The following FRMD5 variants were observed in gnomAD, a reference collection of about 807,000 sequenced individuals.
FRMD5 encodes FERM domain-containing protein 5.
Under a neutral mutation model 69.0 loss-of-function variants are expected in FRMD5, and 20 were observed. That is an observed-to-expected ratio of 0.29 (90% CI 0.20 to 0.42). The LOEUF is 0.42. Among genes scored for constraint, FRMD5 ranks in the 10% least tolerant of loss-of-function variants. FRMD5 has a pLI of 1.00. For synonymous variants in FRMD5, 271 were observed against 260.1 expected (o/e 1.04, Z -0.40); for missense variants, 595 against 708.6 (o/e 0.84, Z 1.82).
At chr15:44,132,495 C>A (rs1012746718) in intron 1 of FRMD5, among the ~76,000 whole-genome samples, 4 of 152,142 alleles carry the variant, frequency 2.6e-5, no homozygotes, top group Admixed American at 6.5e-5. Context: ...GTGGCATGAT[C>A]TCTGCTCACT....
In FRMD5 at chr15:43,926,972, T is replaced by G. The variant is rs1389144076; in HGVS notation, c.103-2663A>C. ...AGACCACCCATATTTGCTGTAAAAA[T>G]AGGTGCCACTGCAGTTATGAGAAAT... On this transcript the variant is annotated intron_variant, in intron 1 of 13. Coordinates refer to ENST00000417257, the MANE Select transcript of FRMD5 (RefSeq NM_032892.5). Among the ~76,000 whole-genome samples, 4 of 149,576 alleles carry G rather than the reference T, an allele frequency of 2.7e-5. No individual in the cohort carries two copies. In the Admixed American group the frequency reaches 2.7e-4, roughly 10 times the overall value.
chr15:44,127,595 G>A (rs953879610), intron 1 of FRMD5, among the ~76,000 whole-genome samples: 4 of 151,968 alleles, frequency 2.6e-5, no homozygotes, highest in Non-Finnish European at 5.9e-5. Flanking sequence ...TAACCAGGCC[G>A]GGTGCAATGG....
intron 1 of FRMD5, among the ~76,000 whole-genome samples, chr15:44,024,236 T>A (rs1310320142): frequency 6.6e-6 from 1 of 152,116 alleles, no homozygotes; most frequent in Non-Finnish European, 1.5e-5. Context: ...TTTTTATGAT[T>A]TTCGACTGTA....
intron 4 of FRMD5, among the ~76,000 whole-genome samples, chr15:43,913,340 C>A (rs1056732878): frequency 6.6e-6 from 1 of 152,200 alleles, no homozygotes; most frequent in East Asian, 1.9e-4. Context: ...ACACCAGTAT[C>A]CTAAAGAAAC....
chr15:43,960,153 A>G (rs1408549860), intron 1 of FRMD5, among the ~76,000 whole-genome samples: 2 of 152,156 alleles, frequency 1.3e-5, no homozygotes, highest in Non-Finnish European at 2.9e-5. Flanking sequence ...CAGTGGCACA[A>G]TCTCGGCTCA....
chr15:43,898,350 C>G (rs1368511737), intron 7 of FRMD5, among the ~76,000 whole-genome samples: 1 of 152,146 alleles, frequency 6.6e-6, no homozygotes, highest in Non-Finnish European at 1.5e-5. Flanking sequence ...CCCTCATATC[C>G]CTTCTTGTCT....
intron 4 of FRMD5, among the ~76,000 whole-genome samples, chr15:43,915,066 A>T (rs572020667): frequency 6.6e-4 from 101 of 152,240 alleles, no homozygotes; most frequent in African/African-American, 2.2e-3. Context: ...GGATGAAGAG[A>T]CTGAGTGCTT....
At chr15:43,939,000 T>G (rs2140482627) in intron 1 of FRMD5, among the ~76,000 whole-genome samples, 1 of 152,174 alleles carries the variant, frequency 6.6e-6, no homozygotes, top group East Asian at 1.9e-4. Context: ...TAGCTGGGAT[T>G]ACAAGCATGC....
intron 1 of FRMD5, among the ~76,000 whole-genome samples, chr15:44,190,859 A>G (rs1057144279): frequency 7.2e-5 from 11 of 152,232 alleles, no homozygotes; most frequent in African/African-American, 2.2e-4. Flanking sequence ...ACTAGATGTG[A>G]TAATTCTTAG....
At chr15:43,886,071 A>T (rs2088655977) in intron 10 of FRMD5, among the ~76,000 whole-genome samples, 1 of 152,192 alleles carries the variant, frequency 6.6e-6, no homozygotes, top group African/African-American at 2.4e-5. Context: ...GTCTTGGGGA[A>T]TAATAGAATG....
intron 4 of FRMD5, among the ~76,000 whole-genome samples, chr15:43,910,301 C>G (rs999382175): frequency 6.6e-6 from 1 of 151,840 alleles, no homozygotes; most frequent in African/African-American, 2.4e-5. Context: ...GATCTGGTGC[C>G]GAAAAAGAAA....
intron 1 of FRMD5, among the ~76,000 whole-genome samples, chr15:44,191,697 C>A (rs1356718892): frequency 6.6e-6 from 1 of 151,278 alleles, no homozygotes; most frequent in African/African-American, 2.4e-5. Context: ...TCACTTCAGC[C>A]CAGGAATTCA....
At chr15:44,087,361 A>G (rs1894241539) in intron 1 of FRMD5, among the ~76,000 whole-genome samples, 1 of 152,218 alleles carries the variant, frequency 6.6e-6, no homozygotes, top group Non-Finnish European at 1.5e-5. Flanking sequence ...AAAGAGCCCT[A>G]CATTATAACA....
intron 1 of FRMD5, among the ~76,000 whole-genome samples, chr15:44,115,463 TAAAGA>T (rs879463086): frequency 2.0e-5 from 3 of 152,204 alleles, no homozygotes; most frequent in Non-Finnish European, 2.9e-5. Context: ...TTCTTTACAG[TAAAGA>T]AAACTAGAAA....
chr15:44,087,548 C>T (rs1348525039), intron 1 of FRMD5, among the ~76,000 whole-genome samples: 14 of 152,138 alleles, frequency 9.2e-5, no homozygotes, highest in Admixed American at 9.2e-4. Flanking sequence ...CCACCACATA[C>T]TACCTGCCTG....
At chr15:44,139,593 T>TA (rs1595510963) in intron 1 of FRMD5, among the ~76,000 whole-genome samples, 1 of 150,674 alleles carries the variant, frequency 6.6e-6, no homozygotes, top group Non-Finnish European at 1.5e-5. Context: ...AAATTTGGAA[T>TA]AAAAAAAGAC....
At chr15:44,027,958 A>T (rs977979727) in intron 1 of FRMD5, among the ~76,000 whole-genome samples, 2 of 152,058 alleles carry the variant, frequency 1.3e-5, no homozygotes, top group African/African-American at 4.8e-5. Context: ...GCTGACTTTC[A>T]AAACTTCTGC....
intron 6 of FRMD5, among the ~76,000 whole-genome samples, chr15:43,904,961 G>T (rs917262934): frequency 5.2e-4 from 79 of 151,938 alleles, no homozygotes; most frequent in African/African-American, 1.8e-3. Context: ...GTATGGGGGG[G>T]GCCTGAGTCA....
At chr15:44,183,508 C>T (rs1236722517) in intron 1 of FRMD5, among the ~76,000 whole-genome samples, 4 of 152,124 alleles carry the variant, frequency 2.6e-5, no homozygotes, top group East Asian at 3.8e-4. Context: ...GTTAGTGGCC[C>T]GTCCAGCAGA....
Sources: gnomAD v4.1 joint callset for allele counts (sites outside exome capture counted in the v4.1 genomes callset) on GRCh38, gnomAD v4.1.1 for gene constraint, MANE v1.5 for transcripts, NCBI Gene and HGNC (gene_info 2026-07-23, HGNC 2026-07-21) for gene names.